The following ST6GALNAC3 variants were observed in gnomAD, a reference collection of about 807,000 sequenced individuals.
The protein encoded by ST6GALNAC3 is alpha-N-acetylgalactosaminide alpha-2,6-sialyltransferase 3.
ST6GALNAC3 carries 25 observed loss-of-function variants against 32.7 expected under a neutral mutation model. The ratio of observed to expected loss-of-function variants is 0.76; its 90% CI spans 0.56 to 1.07. The LOEUF is 1.07. ST6GALNAC3 is among the 50% of genes least tolerant of loss of function. ST6GALNAC3 has a pLI of 0.00. For synonymous variants in ST6GALNAC3, 129 were observed against 133.1 expected (o/e 0.97, Z 0.21); for missense variants, 355 against 382.4 (o/e 0.93, Z 0.60).
intron 1 of ST6GALNAC3, among the ~76,000 whole-genome samples, chr1:76,298,805 A>G (rs528619179): frequency 6.6e-6 from 1 of 152,220 alleles, no homozygotes; most frequent in South Asian, 2.1e-4. Context: ...TATCAGCACC[A>G]CATGGGAATA....
intron 3 of ST6GALNAC3, among the ~76,000 whole-genome samples, chr1:76,501,362 T>C (rs1402995486): frequency 6.6e-6 from 1 of 152,192 alleles, no homozygotes; most frequent in Non-Finnish European, 1.5e-5. Context: ...AGGCAAATGA[T>C]TCAGAGCAAG....
At chr1:76,310,786 T>C (rs1460384084) in intron 1 of ST6GALNAC3, among the ~76,000 whole-genome samples, 1 of 152,206 alleles carries the variant, frequency 6.6e-6, no homozygotes, top group Non-Finnish European at 1.5e-5. Flanking sequence ...CCAGCCCAAC[T>C]ATATGAAAGA....
At chr1:76,513,128 T>G (rs565715766) in intron 3 of ST6GALNAC3, among the ~76,000 whole-genome samples, 8 of 152,314 alleles carry the variant, frequency 5.3e-5, no homozygotes, top group African/African-American at 1.9e-4. Flanking sequence ...CAAAACCTTT[T>G]AAGTTTGACA....
At chr1:76,178,172 A>G (rs537903396) in intron 1 of ST6GALNAC3, among the ~76,000 whole-genome samples, 1 of 152,380 alleles carries the variant, frequency 6.6e-6, no homozygotes, top group Admixed American at 6.5e-5. Flanking sequence ...TTAAACATTA[A>G]TTAAAGTAAC....
At chr1:76,581,263 TACTAA>T (rs1238826399) in intron 3 of ST6GALNAC3, among the ~76,000 whole-genome samples, 2 of 152,144 alleles carry the variant, frequency 1.3e-5, no homozygotes, top group Non-Finnish European at 2.9e-5. Flanking sequence ...CCTTGTTTTT[TACTAA>T]GGAATGTTGA....
intron 3 of ST6GALNAC3, among the ~76,000 whole-genome samples, chr1:76,569,840 C>T (rs1665760755): frequency 6.6e-6 from 1 of 152,088 alleles, no homozygotes. Context: ...CATATTTTAT[C>T]ACTTGTGCCA....
intron 1 of ST6GALNAC3, among the ~76,000 whole-genome samples, chr1:76,126,353 T>C (rs1649240101): frequency 6.6e-6 from 1 of 152,146 alleles, no homozygotes; most frequent in African/African-American, 2.4e-5. Flanking sequence ...ACTTGGTAAG[T>C]GATGGCCTTA....
At chr1:76,196,568 C>A (rs556470574) in intron 1 of ST6GALNAC3, among the ~76,000 whole-genome samples, 2 of 151,808 alleles carry the variant, frequency 1.3e-5, no homozygotes, top group African/African-American at 2.4e-5. Context: ...CGGGTTCAAG[C>A]GATTCTCCCA....
At chr1:76,097,247 T>G (rs1469236884) in intron 1 of ST6GALNAC3, among the ~76,000 whole-genome samples, 1 of 152,162 alleles carries the variant, frequency 6.6e-6, no homozygotes, top group Non-Finnish European at 1.5e-5. Context: ...TGGCTTCTGA[T>G]ATGGTTTGGC....
intron 3 of ST6GALNAC3, among the ~76,000 whole-genome samples, chr1:76,453,446 G>A (rs1177149306): frequency 1.3e-5 from 2 of 152,040 alleles, no homozygotes; most frequent in African/African-American, 2.4e-5. Context: ...CACCGCCTTT[G>A]CTGTATCCCA....
chr1:76,525,775 G>GTC (rs1212980429), intron 3 of ST6GALNAC3, among the ~76,000 whole-genome samples: 1 of 77,558 alleles, frequency 1.3e-5, no homozygotes, highest in Non-Finnish European at 2.8e-5. Flanking sequence ...GTGTGTTTGT[G>GTC]TGTGTGTGTG....
intron 2 of ST6GALNAC3, among the ~76,000 whole-genome samples, chr1:76,404,052 G>T (rs1653631585): frequency 6.6e-6 from 1 of 151,920 alleles, no homozygotes; most frequent in Non-Finnish European, 1.5e-5. Flanking sequence ...TGGCAACCGA[G>T]AAACATAGCT....
At chr1:76,483,011 T>C (rs1659838644) in intron 3 of ST6GALNAC3, among the ~76,000 whole-genome samples, 1 of 151,930 alleles carries the variant, frequency 6.6e-6, no homozygotes. Flanking sequence ...TTGCTGAGAA[T>C]GATAGTTTCC....
chr1:76,299,697 A>G (rs1031679616), intron 1 of ST6GALNAC3, among the ~76,000 whole-genome samples: 1 of 152,048 alleles, frequency 6.6e-6, no homozygotes, highest in Non-Finnish European at 1.5e-5. Context: ...CTCCACAACT[A>G]TGTATTGGTA....
intron 3 of ST6GALNAC3, among the ~76,000 whole-genome samples, chr1:76,607,707 C>G (rs1185018856): frequency 6.6e-6 from 1 of 152,174 alleles, no homozygotes; most frequent in African/African-American, 2.4e-5. Flanking sequence ...ATTTCTTCCT[C>G]TGGGTTGATG....
At position 76,184,519 on chromosome 1, in the gene ST6GALNAC3, G is replaced by GCACACACACACACACA. The variant is rs71071992; in HGVS notation, c.18+109663_18+109678dup. Among the ~76,000 whole-genome samples the GCACACACACACACACA allele has an allele frequency of 9.2e-4, 124 of 134,170 alleles. 1 individual carries two copies. Among genetic ancestry groups the GCACACACACACACACA allele is most frequent in the Middle Eastern group, 3.8e-3 (1 of 262 alleles). The allele number at this position is 134,170 out of a possible 152,430, so 88.0% of individuals were successfully genotyped here. A position where few individuals can be genotyped will look rare whatever the true frequency, so the allele number is the denominator to read the frequency against. ...GTGCCACTGCATTCCCTCCTGGGCA[G>GCACACACACACACACA]CACACACACACACACACACACACAC... On this transcript the variant is annotated intron_variant, in intron 1 of 4. Transcript: ENST00000328299.
In ST6GALNAC3 at chr1:76,473,399, G is replaced by A. The variant is rs573806071; in HGVS notation, c.623+60982G>A. Among the ~76,000 whole-genome samples the A allele has an allele frequency of 3.3e-5, 5 of 152,282 alleles. No homozygotes were observed. In the South Asian group the frequency reaches 1.0e-3, roughly 32 times the overall value. On this transcript the variant is annotated intron_variant, in intron 3 of 4. Coordinates refer to ENST00000328299, the MANE Select transcript of ST6GALNAC3 (RefSeq NM_152996.4). The stretch of plus-strand genomic sequence containing the variant: ...CATTTCTAGGTGGTGACAAATCTGA[G>A]ATGAACCATTTGAAAATTTTTGTGG...
chr1:76,402,407 A>G (rs1653494363), intron 2 of ST6GALNAC3, among the ~76,000 whole-genome samples: 1 of 152,098 alleles, frequency 6.6e-6, no homozygotes, highest in African/African-American at 2.4e-5. Flanking sequence ...TAATTTTGCC[A>G]CCATTTCCTT....
intron 1 of ST6GALNAC3, among the ~76,000 whole-genome samples, chr1:76,121,227 A>G (rs1477255205): frequency 6.6e-6 from 1 of 152,188 alleles, no homozygotes; most frequent in East Asian, 1.9e-4. Context: ...TTGTGGGCCA[A>G]TCTTCTGCTT....
Sources: gnomAD v4.1 joint callset for allele counts (sites outside exome capture counted in the v4.1 genomes callset) on GRCh38, gnomAD v4.1.1 for gene constraint, MANE v1.5 for transcripts, NCBI Gene and HGNC (gene_info 2026-07-23, HGNC 2026-07-21) for gene names.